The following ETV6 variants were observed in gnomAD, a reference collection of about 807,000 sequenced individuals.
The protein encoded by ETV6 is transcription factor ETV6.
Under a neutral mutation model 51.1 loss-of-function variants are expected in ETV6, and 16 were observed. That is an observed-to-expected ratio of 0.31 (90% CI 0.21 to 0.48). The LOEUF is 0.48. ETV6 is among the 20% of genes least tolerant of loss of function. The pLI is 0.99. For synonymous variants in ETV6, 240 were observed against 224.1 expected, an observed-to-expected ratio of 1.07 and a Z score of -0.64; for missense variants, 458 against 594.8, an observed-to-expected ratio of 0.77 and a Z score of 2.39.
intron 1 of ETV6, among the ~76,000 whole-genome samples, chr12:11,752,121 G>A (rs1425168984): frequency 6.6e-6 from 1 of 152,166 alleles, no homozygotes; most frequent in African/African-American, 2.4e-5. Context: ...TTGTCTTTAA[G>A]CCATTCTCGC....
intron 2 of ETV6, among the ~76,000 whole-genome samples, chr12:11,817,077 G>T (rs1393023153): frequency 6.6e-6 from 1 of 152,134 alleles, no homozygotes; most frequent in African/African-American, 2.4e-5. Context: ...AAACAGGCTG[G>T]TCTGCAAACC....
intron 2 of ETV6, among the ~76,000 whole-genome samples, chr12:11,756,589 A>G (rs76272344): frequency 0.015 from 2,297 of 152,322 alleles, 65 homozygotes; most frequent in African/African-American, 0.053. Flanking sequence ...TCTTGACTCT[A>G]CGCAGAGAAG....
intron 2 of ETV6, among the ~76,000 whole-genome samples, chr12:11,812,226 G>C (rs1237858211): frequency 6.6e-6 from 1 of 152,058 alleles, no homozygotes; most frequent in Admixed American, 6.6e-5. Context: ...CTCTTCACTG[G>C]AGTTTTGCAC....
chr12:11,887,048 A>G (rs981220065), intron 7 of ETV6, among the ~76,000 whole-genome samples: 18 of 152,200 alleles, frequency 1.2e-4, no homozygotes, highest in African/African-American at 3.4e-4. Flanking sequence ...TCTGGTCTTT[A>G]GCATTGGGAA....
At chr12:11,867,194 A>G (rs1946801650) in intron 4 of ETV6, among the ~76,000 whole-genome samples, 1 of 152,154 alleles carries the variant, frequency 6.6e-6, no homozygotes, top group East Asian at 1.9e-4. Context: ...TAAGAAGGTT[A>G]GTTTGGTACA....
At chr12:11,813,472 C>A (rs1945944591) in intron 2 of ETV6, among the ~76,000 whole-genome samples, 1 of 152,222 alleles carries the variant, frequency 6.6e-6, no homozygotes, top group South Asian at 2.1e-4. Context: ...AAACTGACTT[C>A]TTTTCAGCTC....
intron 1 of ETV6, among the ~76,000 whole-genome samples, chr12:11,674,161 G>C (rs370030280): frequency 7.7e-4 from 117 of 152,276 alleles, no homozygotes; most frequent in African/African-American, 2.7e-3. Context: ...GTGTGCTCGC[G>C]TGGCCAGATC....
rs74060841 is a variant in ETV6, at chr12:11,745,686, T to C, written c.34-6764T>C. The stretch of plus-strand genomic sequence containing the variant: ...GCCCACTATAGGCACCAAATAGATG[T>C]TGGCAGGCTTCTTTCCTCCTTACTG... On this transcript the variant is annotated intron_variant, in intron 1 of 7. Transcript: ENST00000396373. Among the ~76,000 whole-genome samples the C allele has an allele frequency of 1.8e-3, 277 of 152,334 alleles. 2 individuals carry two copies. The highest frequency in any genetic ancestry group is 6.4e-3 in the African/African-American group (264 of 41,570).
At chr12:11,708,325 G>A (rs1255589568) in intron 1 of ETV6, among the ~76,000 whole-genome samples, 2 of 152,052 alleles carry the variant, frequency 1.3e-5, no homozygotes, top group African/African-American at 2.4e-5. Context: ...GTCCTCACTT[G>A]TGCTCTGCAA....
intron 1 of ETV6, among the ~76,000 whole-genome samples, chr12:11,670,830 G>A (rs1219112179): frequency 6.6e-6 from 1 of 152,212 alleles, no homozygotes; most frequent in Non-Finnish European, 1.5e-5. Context: ...TGACATTTCA[G>A]TAAGTACTAC....
Position 11,891,471 on chromosome 12 carries a change from T to TA in ETV6, c.*425_*426insA. 2.2e-5 allele frequency: 10 copies of TA among 463,726 alleles called. No individual in the cohort carries two copies. Among genetic ancestry groups the TA allele is most frequent in the East Asian group, 4.3e-5 (1 of 23,428 alleles). 28.7% of individuals were successfully genotyped at this position (463,726 alleles called of 1,614,324 possible). A position where few individuals can be genotyped will look rare whatever the true frequency, so the allele number is the denominator to read the frequency against. ...AAATATATATCTATTATATATATAT[T>TA]TTTTGCAAATCTCACAAAGTGCGGC... On this transcript the variant is annotated 3_prime_UTR_variant, in exon 8 of 8. Coordinates refer to ENST00000396373, the MANE Select transcript of ETV6 (RefSeq NM_001987.5).
intron 1 of ETV6, among the ~76,000 whole-genome samples, chr12:11,678,620 A>C (rs1864467381): frequency 6.6e-6 from 1 of 152,182 alleles, no homozygotes; most frequent in African/African-American, 2.4e-5. Flanking sequence ...TCTCCAGAGA[A>C]ACAGAACCAC....
At chr12:11,821,137 C>T (rs1279460594) in intron 2 of ETV6, among the ~76,000 whole-genome samples, 1 of 149,962 alleles carries the variant, frequency 6.7e-6, no homozygotes, top group African/African-American at 2.5e-5. Context: ...CTGAGGTGGG[C>T]GGATCACAAA....
intron 1 of ETV6, among the ~76,000 whole-genome samples, chr12:11,660,931 C>T (rs1274913089): frequency 6.6e-6 from 1 of 152,198 alleles, no homozygotes; most frequent in Non-Finnish European, 1.5e-5. Context: ...ACCCAAGTCC[C>T]TGTGACAGGT....
In ETV6 at chr12:11,663,310, C is replaced by T. The variant is rs576662317; in HGVS notation, c.33+13150C>T. ...AATTAGCACGCTCTAGGGAGGACAG[C>T]GAGAGGGCAGCTGACACAATGCCTT... is the stretch of plus-strand genomic sequence containing the variant. On this transcript the variant is annotated intron_variant, in intron 1 of 7. Coordinates refer to ENST00000396373, the MANE Select transcript of ETV6 (RefSeq NM_001987.5). Among the ~76,000 whole-genome samples the T allele has an allele frequency of 3.7e-4, 56 of 152,310 alleles. 1 individual carries two copies. In the South Asian group the frequency reaches 7.1e-3, roughly 19 times the overall value.
chr12:11,650,349 C>CA (rs145572199), intron 1 of ETV6, among the ~76,000 whole-genome samples, 189 bp downstream of exon 1: 4 of 149,324 alleles, frequency 2.7e-5, no homozygotes, highest in East Asian at 2.0e-4. Context: ...GCTACTCCCC[C>CA]CCACCGCCGA....
chr12:11,813,035 C>T (rs1456352168), intron 2 of ETV6, among the ~76,000 whole-genome samples: 1 of 152,192 alleles, frequency 6.6e-6, no homozygotes, highest in Admixed American at 6.5e-5. Context: ...TGGTTGTGAG[C>T]CTTCAGTTCG....
Position 11,853,518 on chromosome 12 carries a change from A to C in ETV6, c.420A>C (p.Ile140=), listed in dbSNP as rs1226016788. The change falls in exon 4 of 8, where the codon ATA becomes ATC. Residue 140 remains isoleucine (I), a synonymous_variant. Transcript: ENST00000396373. Reference sequence around the variant, plus strand: ...CATTCTTCCACCCTGGAAACTCTATACACACACAGCCGGAGGTCATACTGC... The same window carrying C: ...CATTCTTCCACCCTGGAAACTCTATCCACACACAGCCGGAGGTCATACTGC... ...FSPFFHPGNS[I]HTQPEVILHQ... 6.2e-7 allele frequency: 1 copy of C among 1,614,160 alleles called. No individual in the cohort carries two copies. Among genetic ancestry groups the C allele is most frequent in the East Asian group, 2.2e-5 (1 of 44,892 alleles).
intron 1 of ETV6, among the ~76,000 whole-genome samples, chr12:11,730,014 T>C (rs1650454135): frequency 6.6e-6 from 1 of 152,148 alleles, no homozygotes; most frequent in Non-Finnish European, 1.5e-5. Context: ...TATGCGTTAC[T>C]GGGGGATTTT....
Sources: gnomAD v4.1 joint callset for allele counts (sites outside exome capture counted in the v4.1 genomes callset) on GRCh38, gnomAD v4.1.1 for gene constraint, MANE v1.5 for transcripts, NCBI Gene and HGNC (gene_info 2026-07-23, HGNC 2026-07-21) for gene names.